Variants in DDX21 observed in about 807,000 individuals in gnomAD.
The protein encoded by DDX21 is nucleolar RNA helicase 2.
A neutral mutation model predicts 90.0 loss-of-function variants in DDX21; 18 were observed. That is an observed-to-expected ratio of 0.20 (90% CI 0.14 to 0.30). The LOEUF (loss-of-function observed/expected upper bound fraction) is 0.30, where lower values mean the gene tolerates loss of function less well. Among genes scored for constraint, DDX21 ranks in the 10% least tolerant of loss-of-function variants. The pLI, the probability that DDX21 is intolerant of heterozygous loss-of-function variation, is 1.00. For synonymous variants in DDX21, 294 were observed against 318.0 expected, an observed-to-expected ratio of 0.92 and a Z score of 0.80; for missense variants, 673 against 944.5, an observed-to-expected ratio of 0.71 and a Z score of 3.77.
intron 9 of DDX21, among the ~76,000 whole-genome samples, chr10:68,973,207 A>G (rs1011483936): frequency 6.6e-6 from 1 of 152,160 alleles, no homozygotes; most frequent in African/African-American, 2.4e-5. Flanking sequence ...AAGAAAAAAA[A>G]AAGACTAGAT....
At chr10:68,957,122 CT>C (rs1305895111) in intron 1 of DDX21, among the ~76,000 whole-genome samples, 1 of 151,956 alleles carries the variant, frequency 6.6e-6, no homozygotes, top group Non-Finnish European at 1.5e-5. Context: ...TGGGCCGCGT[CT>C]TTAGTGACTT....
chr10:68,981,468 G>A (rs1434898271), intron 13 of DDX21, 69 bp from the exon 14 acceptor site: 14 of 1,317,388 alleles, frequency 1.1e-5, no homozygotes, highest in East Asian at 2.3e-5. Flanking sequence ...TAAAGAATAC[G>A]TGGTCTTTTA....
chr10:68,974,991 T>G (rs888266128), intron 11 of DDX21, among the ~76,000 whole-genome samples: 1 of 151,014 alleles, frequency 6.6e-6, no homozygotes, highest in Non-Finnish European at 1.5e-5. Flanking sequence ...GATAACCTGT[T>G]TATCAAAAAA....
At chr10:68,969,148 T>A in intron 7 of DDX21, 27 bp downstream of exon 7, 1 of 1,580,632 alleles carries the variant, frequency 6.3e-7, no homozygotes, top group Non-Finnish European at 8.6e-7. Context: ...GTTGCCAGAA[T>A]ATAAAATTGT....
rs1843002627 is a variant in DDX21, at chr10:68,970,181, T to C, written c.1237-20T>C. The C allele has an allele frequency of 6.3e-7, 1 of 1,594,728 alleles. No homozygotes were observed. Among genetic ancestry groups the C allele is most frequent in the African/African-American group, 1.4e-5 (1 of 73,560 alleles). ...CAGCAAAGCTTTACTAAATAGATGT[T>C]TTTTTTCTTCTTACATAAGCATCTG... On this transcript the variant is annotated intron_variant, in intron 7 of 14. Coordinates refer to ENST00000354185, the MANE Select transcript of DDX21 (RefSeq NM_004728.4).
At chr10:68,982,417 G>A in intron 14 of DDX21, 126 bp from the exon 15 acceptor site, 2 of 1,332,216 alleles carry the variant, frequency 1.5e-6, no homozygotes. Flanking sequence ...TTTTTGACCA[G>A]TGACTTGTTA....
intron 6 of DDX21, among the ~76,000 whole-genome samples, chr10:68,967,549 T>TA (rs921298834): frequency 3.3e-4 from 47 of 143,758 alleles, no homozygotes; most frequent in African/African-American, 6.4e-4. Context: ...AAACTTGGAT[T>TA]AAAAAAAAAA....
At chr10:68,976,400 G>A (rs547810904) in intron 11 of DDX21, among the ~76,000 whole-genome samples, 1 of 151,506 alleles carries the variant, frequency 6.6e-6, no homozygotes, top group South Asian at 2.1e-4. Context: ...CCATTCTCCT[G>A]CCTCAGCCTT....
intron 1 of DDX21, among the ~76,000 whole-genome samples, chr10:68,958,469 C>A (rs1054891229): frequency 2.0e-5 from 3 of 151,832 alleles, no homozygotes; most frequent in East Asian, 3.9e-4. Context: ...GACAGTCTTG[C>A]TGTGTCGCCC....
rs951409535 is a variant in DDX21 at position 68,985,046 on chromosome 10, A to G, written c.*2234A>G. On this transcript the variant is annotated 3_prime_UTR_variant, in exon 15 of 15. Coordinates refer to ENST00000354185, the MANE Select transcript of DDX21 (RefSeq NM_004728.4). The stretch of plus-strand genomic sequence containing the variant: ...AATGTATAAAATACTGCTGTATACC[A>G]TAATAAAGATAGTAATACTTGATTT... 1 of 152,142 alleles carries G rather than the reference A, an allele frequency of 6.6e-6. No homozygotes were observed. The highest frequency in any genetic ancestry group is 1.5e-5 in the Non-Finnish European group (1 of 67,968). 9.4% of individuals were successfully genotyped at this position (152,142 alleles called of 1,614,324 possible).
intron 6 of DDX21, 90 bp downstream of exon 6, chr10:68,967,293 C>G (rs932769053): frequency 1.5e-5 from 19 of 1,307,808 alleles, no homozygotes; most frequent in Admixed American, 2.2e-5. Flanking sequence ...CATGCCTCAG[C>G]CACCCTAGTA....
intron 13 of DDX21, among the ~76,000 whole-genome samples, chr10:68,980,604 T>C (rs555998253): frequency 6.6e-6 from 1 of 152,262 alleles, no homozygotes; most frequent in Admixed American, 6.5e-5. Context: ...CCTTATAAAA[T>C]ATTGCAGTTG....
rs201590875 is a variant in DDX21 at position 68,970,283 on chromosome 10, G to T, written c.1319G>T (p.Arg440Leu). 1 of 1,613,846 alleles carries T rather than the reference G, an allele frequency of 6.2e-7. No individual in the cohort carries two copies. The highest frequency in any genetic ancestry group is 8.5e-7 in the Non-Finnish European group (1 of 1,179,944). Reference protein sequence around the residue: ...VIRVYSGHQGRTIIFCETKKE... With the variant: ...VIRVYSGHQGLTIIFCETKKE... ...CGAGTATATAGTGGTCATCAAGGAC[G>T]CACTATCATCTTTTGTGAAACCAAG... The change falls in exon 8 of 15, where the codon CGC becomes CTC. Residue 440 changes from arginine (R) to leucine (L), a missense_variant. Arg to Leu is a moderately radical substitution (Grantham distance 102). This residue lies in a region of DDX21 where 218 missense variants were observed against 347.3 expected (regional missense o/e 0.63). Transcript: ENST00000354185.
At chr10:68,976,009 A>C (rs1843094563) in intron 11 of DDX21, among the ~76,000 whole-genome samples, 1 of 151,064 alleles carries the variant, frequency 6.6e-6, no homozygotes, top group African/African-American at 2.4e-5. Flanking sequence ...AGATCACACC[A>C]TTGCACCCCA....
At chr10:68,979,833 C>G (rs1042560903) in intron 13 of DDX21, among the ~76,000 whole-genome samples, 3 of 152,230 alleles carry the variant, frequency 2.0e-5, no homozygotes, top group African/African-American at 7.2e-5. Context: ...GTCCTGGCCT[C>G]TGCTAACCTT....
intron 13 of DDX21, 106 bp from the exon 14 acceptor site, chr10:68,981,431 G>T: frequency 3.8e-6 from 4 of 1,051,460 alleles, no homozygotes; most frequent in Admixed American, 2.4e-5. Context: ...TGGTTTTTTT[G>T]CTTTATGTTT....
At position 68,983,080 on chromosome 10, in the gene DDX21, A is replaced by T. The variant is rs1843218758; in HGVS notation, c.*268A>T. On this transcript the variant is annotated 3_prime_UTR_variant, in exon 15 of 15. Coordinates refer to ENST00000354185, the MANE Select transcript of DDX21 (RefSeq NM_004728.4). ...TTTTATTCTAATGTATTATCTGTAG[A>T]TTAGAAGATAAAATCAAGCATGTAT... 2 of 474,328 alleles carry T rather than the reference A, an allele frequency of 4.2e-6. No homozygotes were observed. Among genetic ancestry groups the T allele is most frequent in the Non-Finnish European group, 7.5e-6 (2 of 265,936 alleles). 29.4% of individuals were successfully genotyped at this position (474,328 alleles called of 1,614,324 possible). A position where few individuals can be genotyped will look rare whatever the true frequency, so the allele number is the denominator to read the frequency against.
chr10:68,958,756 A>G lies in DDX21; in HGVS notation c.88-1050A>G, dbSNP rs571222620. Among the ~76,000 whole-genome samples the G allele has an allele frequency of 2.3e-4, 35 of 152,208 alleles. No homozygotes were observed. The South Asian group carries it at 5.2e-3, about 23-fold the overall frequency. On this transcript the variant is annotated intron_variant, in intron 1 of 14. Transcript: ENST00000354185. ...CCAGCCTAAATTTTAAACTTTTTCA[A>G]TAGAGACGGGGTCTCGCTATATTGT...
rs372610547 is a variant in DDX21 at position 68,959,920 on chromosome 10, G to T, written c.202G>T (p.Asp68Tyr). ...AAAGAAAGCAGAGCCTTCTGAAGTT[G>T]ACATGAATTCTCCTAAATCCAAAAA... ...VKKKAEPSEV[D>Y]MNSPKSKKAK... Residue 68 changes from aspartate to tyrosine, a missense_variant, in exon 2 of 15, where the codon GAC becomes TAC. Asp to Tyr is a radical substitution (Grantham distance 160, BLOSUM62 -3). Around this residue, in one of 4 missense-constraint regions of DDX21, gnomAD observed 204 missense variants for 221.6 expected, o/e 0.92. Coordinates refer to ENST00000354185, the MANE Select transcript of DDX21 (RefSeq NM_004728.4). 1.8e-5 allele frequency: 29 copies of T among 1,609,420 alleles called. No individual in the cohort carries two copies. Among genetic ancestry groups the T allele is most frequent in the Non-Finnish European group, 2.3e-5 (27 of 1,179,294 alleles).
Sources: allele counts gnomAD v4.1 joint callset (sites outside exome capture counted in the v4.1 genomes callset), GRCh38; gene constraint gnomAD v4.1.1; regional missense constraint gnomAD v4.1.1; transcripts MANE v1.5; gene names NCBI Gene and HGNC (gene_info 2026-07-23, HGNC 2026-07-21).